Variants in TENM3 observed in about 807,000 individuals in gnomAD.
The protein encoded by TENM3 is teneurin transmembrane protein 3.
TENM3 carries 63 observed loss-of-function variants against 255.1 expected under a neutral mutation model. The ratio of observed to expected loss-of-function variants is 0.25; its 90% CI spans 0.20 to 0.30. The LOEUF is 0.30. TENM3 is among the 10% of genes least tolerant of loss of function. TENM3 has a pLI of 1.00. For missense variants in TENM3, 2,929 were observed against 3,461.1 expected, an observed-to-expected ratio of 0.85 and a Z score of 3.86; for synonymous variants, 1,306 against 1,322.3, an observed-to-expected ratio of 0.99 and a Z score of 0.27.
At chr4:181,979,051 C>G in the TENM3 span, among the ~76,000 whole-genome samples, 1 of 125,176 alleles carries the variant, frequency 8.0e-6, no homozygotes, top group Admixed American at 8.9e-5. Flanking sequence ...CTTAACTATT[C>G]TACATTTTTG....
At chr4:182,650,889 A>AAAT (rs1281790163) in intron 5 of TENM3, among the ~76,000 whole-genome samples, 4 of 29,770 alleles carry the variant, frequency 1.3e-4, no homozygotes, top group South Asian at 8.9e-4. Flanking sequence ...AATAAAAAAA[A>AAAT]ATATATATAT....
chr4:182,773,709 C>T (rs1764456102), intron 23 of TENM3, 62 bp downstream of exon 23: 1 of 1,467,780 alleles, frequency 6.8e-7, no homozygotes. Context: ...TGCGGCAACA[C>T]CCACTTTCCA....
At chr4:182,198,955 AAAG>A (rs973148481) in intron 1 of TENM3, among the ~76,000 whole-genome samples, 53 of 152,162 alleles carry the variant, frequency 3.5e-4, no homozygotes, top group African/African-American at 1.3e-3. Context: ...TTAACACATG[AAAG>A]AAGAAGTAGG....
At chr4:182,196,568 C>G (rs2149808187) in intron 1 of TENM3, among the ~76,000 whole-genome samples, 1 of 152,210 alleles carries the variant, frequency 6.6e-6, no homozygotes, top group South Asian at 2.1e-4. Flanking sequence ...TTTTCACCGT[C>G]ATTGCCCTCT....
the TENM3 span, among the ~76,000 whole-genome samples, chr4:181,461,972 T>C: frequency 0.13 from 20,207 of 152,210 alleles, 1,527 homozygotes; most frequent in East Asian, 0.28. Flanking sequence ...TTCTGGACTC[T>C]GTTGTACGTA....
chr4:182,045,148 C>G, the TENM3 span, among the ~76,000 whole-genome samples: 2 of 152,120 alleles, frequency 1.3e-5, no homozygotes, highest in Non-Finnish European at 2.9e-5. Flanking sequence ...ATTTTTCACT[C>G]TACTTCTTAG....
chr4:182,165,407 G>GT (rs1452949871), intron 1 of TENM3, among the ~76,000 whole-genome samples: 15 of 152,108 alleles, frequency 9.9e-5, no homozygotes, highest in African/African-American at 3.1e-4. Context: ...AAGACTTCAG[G>GT]TTGATAAGCA....
chr4:182,211,773 T>C (rs537210617), intron 1 of TENM3, among the ~76,000 whole-genome samples: 1 of 152,368 alleles, frequency 6.6e-6, no homozygotes, highest in South Asian at 2.1e-4. Flanking sequence ...TATTTTATAT[T>C]AAATACATTT....
At chr4:182,529,416 G>A (rs1002566494) in intron 3 of TENM3, among the ~76,000 whole-genome samples, 2 of 152,118 alleles carry the variant, frequency 1.3e-5, no homozygotes, top group Non-Finnish European at 2.9e-5. Flanking sequence ...GAGTTCCAGG[G>A]TATAATAGAG....
At chr4:182,326,566 G>T (rs28557146) in intron 2 of TENM3, among the ~76,000 whole-genome samples, 43,708 of 151,674 alleles carry the variant, frequency 0.29, 6,465 homozygotes, top group East Asian at 0.34. Flanking sequence ...TGACAAGCTC[G>T]GTCTGTTGCC....
chr4:181,495,902 T>TAA, the TENM3 span, among the ~76,000 whole-genome samples: 25,303 of 116,598 alleles, frequency 0.22, 2,852 homozygotes, highest in Non-Finnish European at 0.25. Flanking sequence ...AGAGACAAAT[T>TAA]AAAAAAAAAA....
the TENM3 span, among the ~76,000 whole-genome samples, chr4:181,546,404 A>G: frequency 8.7e-4 from 132 of 152,176 alleles, no homozygotes; most frequent in Non-Finnish European, 1.6e-3. Context: ...TTATTTTAGT[A>G]AAAAGCTATT....
At chr4:181,739,305 A>C in the TENM3 span, among the ~76,000 whole-genome samples, 121,610 of 151,574 alleles carry the variant, frequency 0.8, 49,942 homozygotes, top group East Asian at 0.94. Flanking sequence ...CCAATGTTTA[A>C]GAATGAAGCT....
chr4:182,031,429 C>T, the TENM3 span, among the ~76,000 whole-genome samples: 1 of 152,050 alleles, frequency 6.6e-6, no homozygotes. Context: ...GTTTTTGTAC[C>T]AGTACCATGC....
chr4:181,760,633 T>G, the TENM3 span, among the ~76,000 whole-genome samples: 54 of 152,242 alleles, frequency 3.5e-4, no homozygotes, highest in African/African-American at 1.2e-3. Context: ...AGGGAGAAGG[T>G]AGGGCTTCCT....
the TENM3 span, among the ~76,000 whole-genome samples, chr4:181,757,025 A>G: frequency 1.3e-5 from 2 of 152,190 alleles, no homozygotes; most frequent in African/African-American, 4.8e-5. Flanking sequence ...ATCTAGTTCC[A>G]ATTATGTTGC....
At chr4:181,692,828 T>TA in the TENM3 span, among the ~76,000 whole-genome samples, 1 of 152,112 alleles carries the variant, frequency 6.6e-6, no homozygotes, top group Non-Finnish European at 1.5e-5. Flanking sequence ...ATAACACTCT[T>TA]AAAACCCCAA....
chr4:181,904,101 C>T, the TENM3 span, among the ~76,000 whole-genome samples: 1 of 152,098 alleles, frequency 6.6e-6, no homozygotes, highest in Admixed American at 6.5e-5. Context: ...TCCATATTTA[C>T]TGCAAAAACT....
At chr4:181,626,621 G>C in the TENM3 span, among the ~76,000 whole-genome samples, 1 of 152,112 alleles carries the variant, frequency 6.6e-6, no homozygotes, top group Non-Finnish European at 1.5e-5. Context: ...TGAGAACTCA[G>C]AGCAAGAACT....
Sources: allele counts gnomAD v4.1 joint callset (sites outside exome capture counted in the v4.1 genomes callset), GRCh38; gene constraint gnomAD v4.1.1; transcripts MANE v1.5; gene names NCBI Gene and HGNC (gene_info 2026-07-23, HGNC 2026-07-21).